PARM1: variants seen among roughly 807,000 people sequenced by gnomAD.
The protein encoded by PARM1 is prostate androgen-regulated mucin-like protein 1, also known as WSC4, cell wall integrity and stress response component 4 homolog.
In PARM1, 14 loss-of-function variants were observed where a neutral mutation model predicts 24.6. The ratio of observed to expected loss-of-function variants is 0.57; its 90% CI spans 0.38 to 0.89. The LOEUF is 0.89. Among genes scored for constraint, PARM1 ranks in the 40% least tolerant of loss-of-function variants. The pLI is 0.00. For missense variants in PARM1, 362 were observed against 380.4 expected, an observed-to-expected ratio of 0.95 and a Z score of 0.40; for synonymous variants, 179 against 156.6, an observed-to-expected ratio of 1.14 and a Z score of -1.07.
intron 1 of PARM1, among the ~76,000 whole-genome samples, chr4:74,985,419 G>A (rs778915846): frequency 6.6e-6 from 1 of 152,200 alleles, no homozygotes; most frequent in East Asian, 1.9e-4. Flanking sequence ...GGGGCCCATG[G>A]AAGACTGCCT....
intron 1 of PARM1, among the ~76,000 whole-genome samples, chr4:74,963,368 G>A (rs528060445): frequency 3.9e-5 from 6 of 152,128 alleles, no homozygotes; most frequent in South Asian, 4.2e-4. Flanking sequence ...TGTTCTTAAC[G>A]GCATTATTCT....
intron 1 of PARM1, among the ~76,000 whole-genome samples, chr4:74,965,691 T>C (rs1395781062): frequency 6.6e-6 from 1 of 152,210 alleles, no homozygotes; most frequent in Non-Finnish European, 1.5e-5. Flanking sequence ...ACTTCGCTTC[T>C]ATGGTATTCT....
At chr4:75,042,312 A>T (rs1723505482) in intron 3 of PARM1, among the ~76,000 whole-genome samples, 1 of 152,248 alleles carries the variant, frequency 6.6e-6, no homozygotes, top group Non-Finnish European at 1.5e-5. Context: ...CACAGCAAAG[A>T]GAAAACATGG....
At chr4:74,987,377 T>C (rs969747494) in intron 1 of PARM1, among the ~76,000 whole-genome samples, 4 of 152,170 alleles carry the variant, frequency 2.6e-5, no homozygotes, top group African/African-American at 9.7e-5. Context: ...CATAGTACTT[T>C]TGAATTCAAT....
At chr4:74,953,870 G>T (rs1319178772) in intron 1 of PARM1, among the ~76,000 whole-genome samples, 1 of 152,198 alleles carries the variant, frequency 6.6e-6, no homozygotes, top group Non-Finnish European at 1.5e-5. Flanking sequence ...ACCCCAGGAA[G>T]AGAAAGGGAA....
In PARM1 at chr4:75,048,843, TA is replaced by T. The variant is rs1299747042; in HGVS notation, c.*2600del. The T allele has an allele frequency of 6.6e-6, 1 of 152,654 alleles. No individual in the cohort carries two copies. The highest frequency in any genetic ancestry group is 6.5e-5 in the Admixed American group (1 of 15,278). The allele number at this position is 152,654 out of a possible 1,614,324, so 9.5% of individuals were successfully genotyped here. Reference sequence around the variant, plus strand: ...TAACACTTCTTATCTTATGTGAGAATAAAATATTTAAGGGTTGAACCTTATT... The same window carrying T: ...TAACACTTCTTATCTTATGTGAGAATAAATATTTAAGGGTTGAACCTTATT... On this transcript the variant is annotated 3_prime_UTR_variant, in exon 4 of 4. Transcript: ENST00000307428.
intron 1 of PARM1, among the ~76,000 whole-genome samples, chr4:75,011,425 G>A (rs895231802): frequency 6.6e-6 from 1 of 152,012 alleles, no homozygotes; most frequent in Non-Finnish European, 1.5e-5. Flanking sequence ...CGGGTGAATG[G>A]GGGTCCCATC....
rs535578352 is a variant in PARM1 at position 74,936,867 on chromosome 4, G to C, written c.43+3497G>C. On this transcript the variant is annotated intron_variant, in intron 1 of 3. Transcript: ENST00000307428. Reference sequence around the variant, plus strand: ...ATACTCAAGAAGGACAAAAAGGAAGGACACTAGGTAAGAGAGGCACAAACC... The same window carrying C: ...ATACTCAAGAAGGACAAAAAGGAAGCACACTAGGTAAGAGAGGCACAAACC... Among the ~76,000 whole-genome samples the C allele has an allele frequency of 1.3e-3, 205 of 152,226 alleles. 3 individuals carry two copies. The highest frequency in any genetic ancestry group is 3.0e-3 in the Admixed American group (46 of 15,284).
intron 2 of PARM1, among the ~76,000 whole-genome samples, chr4:75,023,760 A>G (rs1311268857): frequency 6.6e-6 from 1 of 152,206 alleles, no homozygotes; most frequent in Non-Finnish European, 1.5e-5. Flanking sequence ...AGCTAAGAGA[A>G]AGGCAATCTT....
intron 1 of PARM1, among the ~76,000 whole-genome samples, chr4:74,939,202 C>T (rs1332471486): frequency 1.3e-5 from 2 of 152,114 alleles, no homozygotes; most frequent in African/African-American, 4.8e-5. Flanking sequence ...TTGAAGCCTG[C>T]CTCATGGGGC....
chr4:74,934,996 CTTTTTTTTT>C (rs11392364), intron 1 of PARM1, among the ~76,000 whole-genome samples: 1 of 116,558 alleles, frequency 8.6e-6, no homozygotes, highest in African/African-American at 3.4e-5. Flanking sequence ...GCTCTTTTTT[CTTTTTTTTT>C]TTTTTCTTTT....
chr4:74,998,587 A>G (rs1055326141), intron 1 of PARM1, among the ~76,000 whole-genome samples: 1 of 152,228 alleles, frequency 6.6e-6, no homozygotes. Flanking sequence ...TTAGTTCATT[A>G]TGAGGAACAC....
chr4:74,933,861 T>C (rs1165980139), intron 1 of PARM1, among the ~76,000 whole-genome samples: 1 of 152,132 alleles, frequency 6.6e-6, no homozygotes, highest in African/African-American at 2.4e-5. Flanking sequence ...TCTCGAGTCT[T>C]GGCGGTCTCT....
At chr4:74,965,635 A>T (rs970316055) in intron 1 of PARM1, among the ~76,000 whole-genome samples, 22 of 152,188 alleles carry the variant, frequency 1.4e-4, no homozygotes, top group Non-Finnish European at 3.2e-4. Context: ...AAAAGTTGCC[A>T]CATCAAAAAG....
chr4:74,939,735 T>C (rs1721265977), intron 1 of PARM1, among the ~76,000 whole-genome samples: 1 of 152,220 alleles, frequency 6.6e-6, no homozygotes, highest in South Asian at 2.1e-4. Context: ...AAAAATCCTT[T>C]GATCAATTGA....
At chr4:74,956,223 A>C (rs1721630296) in intron 1 of PARM1, 1 of 152,138 alleles carries the variant, frequency 6.6e-6, no homozygotes, top group Non-Finnish European at 1.5e-5. Flanking sequence ...CAGAGTTAGA[A>C]CTCGATGCTG....
intron 1 of PARM1, among the ~76,000 whole-genome samples, chr4:75,003,459 A>T (rs145943686): frequency 1.2e-3 from 180 of 152,330 alleles, no homozygotes; most frequent in African/African-American, 4.0e-3. Context: ...TGGATGGAGA[A>T]ATTGAGTCAT....
intron 1 of PARM1, among the ~76,000 whole-genome samples, chr4:74,978,181 TAA>T (rs1249966615): frequency 6.6e-6 from 1 of 152,178 alleles, no homozygotes; most frequent in Non-Finnish European, 1.5e-5. Context: ...GCAAGCTGGA[TAA>T]AGAGTCAAGA....
At position 74,991,292 on chromosome 4, in the gene PARM1, A is replaced by G. The variant is rs140218231; in HGVS notation, c.44-21133A>G. 1.7e-3 allele frequency among the ~76,000 whole-genome samples: 255 copies of G among 152,326 alleles called. 1 individual carries two copies. Among genetic ancestry groups the G allele is most frequent in the African/African-American group, 5.7e-3 (238 of 41,586 alleles). On this transcript the variant is annotated intron_variant, in intron 1 of 3. Transcript: ENST00000307428. ...AATAAATCACAAAATATATGAATCA[A>G]TGGTTTTCCAATATTGGTCAATAGG...
Sources: allele counts gnomAD v4.1 joint callset (sites outside exome capture counted in the v4.1 genomes callset), GRCh38; gene constraint gnomAD v4.1.1; transcripts MANE v1.5; gene names NCBI Gene and HGNC (gene_info 2026-07-23, HGNC 2026-07-21).